The following CDH18 variants were observed in gnomAD, a reference collection of about 807,000 sequenced individuals.
The protein encoded by CDH18 is cadherin-18.
In CDH18, 31 loss-of-function variants were observed where a neutral mutation model predicts 67.9. The ratio of observed to expected loss-of-function variants is 0.46; its 90% CI spans 0.34 to 0.62. The LOEUF is 0.62. CDH18 is among the 20% of genes least tolerant of loss of function. The pLI is 0.01. For synonymous variants in CDH18, 362 were observed against 347.2 expected, an observed-to-expected ratio of 1.04 and a Z score of -0.48; for missense variants, 890 against 975.5, an observed-to-expected ratio of 0.91 and a Z score of 1.17.
At chr5:20,389,559 T>C (rs1354668011) in intron 1 of CDH18, among the ~76,000 whole-genome samples, 1 of 152,140 alleles carries the variant, frequency 6.6e-6, no homozygotes, top group African/African-American at 2.4e-5. Context: ...ATGGCCATAC[T>C]GCCCAAGGTA....
intron 2 of CDH18, among the ~76,000 whole-genome samples, chr5:19,936,378 G>T (rs1350285783): frequency 6.6e-6 from 1 of 151,220 alleles, no homozygotes; most frequent in East Asian, 1.9e-4. Flanking sequence ...AGGACAAAAT[G>T]TTGAGGAAAG....
intron 2 of CDH18, among the ~76,000 whole-genome samples, chr5:20,016,836 C>T (rs1165675005): frequency 6.6e-6 from 1 of 152,064 alleles, no homozygotes; most frequent in Non-Finnish European, 1.5e-5. Flanking sequence ...GGATCACGGC[C>T]TTGGGGTCAG....
At chr5:20,362,081 A>G (rs971799897) in intron 1 of CDH18, among the ~76,000 whole-genome samples, 1 of 152,152 alleles carries the variant, frequency 6.6e-6, no homozygotes, top group African/African-American at 2.4e-5. Flanking sequence ...ATTCTTCCCC[A>G]AAGGTAAATT....
intron 2 of CDH18, among the ~76,000 whole-genome samples, chr5:20,057,930 A>G (rs1201553148): frequency 6.6e-6 from 1 of 152,158 alleles, no homozygotes; most frequent in Non-Finnish European, 1.5e-5. Context: ...TAAATAATGC[A>G]TTACCTTTAA....
chr5:19,712,050 T>C (rs927929658), intron 5 of CDH18, among the ~76,000 whole-genome samples: 2 of 152,114 alleles, frequency 1.3e-5, no homozygotes, highest in African/African-American at 4.8e-5. Flanking sequence ...AGTAAAATAA[T>C]GCAAAGATAA....
intron 1 of CDH18, among the ~76,000 whole-genome samples, chr5:20,389,125 T>A (rs547343283): frequency 6.6e-6 from 1 of 152,250 alleles, no homozygotes; most frequent in East Asian, 1.9e-4. Flanking sequence ...TTCTGTCTCA[T>A]GGATCTGTCT....
intron 7 of CDH18, among the ~76,000 whole-genome samples, chr5:19,574,595 T>C (rs28702624): frequency 1.4e-4 from 21 of 152,128 alleles, no homozygotes; most frequent in African/African-American, 5.1e-4. Flanking sequence ...TATTTGGTTT[T>C]ACCCAAAAAA....
At chr5:19,570,343 T>C (rs1296351630) in intron 8 of CDH18, among the ~76,000 whole-genome samples, 1 of 152,166 alleles carries the variant, frequency 6.6e-6, no homozygotes, top group Non-Finnish European at 1.5e-5. Context: ...TATCTAGCTC[T>C]TGCTGTTAGT....
rs755165512 is a variant in CDH18 at position 20,419,768 on chromosome 5, C to T, written c.-580+155694G>A. The stretch of plus-strand genomic sequence containing the variant: ...CTGGGATTACAGGCGTGAGCCGCCG[C>T]GCCTGTCCCTGGGACTCTTTTGGCA... On this transcript the variant is annotated intron_variant, in intron 1 of 14. Coordinates refer to the CDH18 transcript ENST00000507958. 1.3e-4 allele frequency among the ~76,000 whole-genome samples: 19 copies of T among 150,864 alleles called. 2 individuals carry two copies. Among genetic ancestry groups the T allele is most frequent in the Non-Finnish European group, 2.1e-4 (14 of 67,990 alleles).
chr5:19,904,341 A>C, intron 2 of CDH18, among the ~76,000 whole-genome samples: 1 of 99,462 alleles, frequency 1.0e-5, no homozygotes, highest in African/African-American at 3.8e-5. Context: ...GAGAGAAGGG[A>C]GGGAGGGAGG....
intron 1 of CDH18, among the ~76,000 whole-genome samples, chr5:20,355,804 T>C (rs1209496453): frequency 6.6e-6 from 1 of 152,198 alleles, no homozygotes; most frequent in Non-Finnish European, 1.5e-5. Flanking sequence ...ATACAACTCA[T>C]GGCGAATTTA....
intron 8 of CDH18, among the ~76,000 whole-genome samples, chr5:19,561,271 G>A (rs894180833): frequency 2.0e-5 from 3 of 151,956 alleles, no homozygotes; most frequent in African/African-American, 7.2e-5. Context: ...ATGCCCATCC[G>A]TCAATGTAGG....
chr5:20,133,684 T>C (rs1749460323), intron 2 of CDH18, among the ~76,000 whole-genome samples: 1 of 152,048 alleles, frequency 6.6e-6, no homozygotes, highest in Non-Finnish European at 1.5e-5. Context: ...ATTCTATATA[T>C]TTTTCTTTAT....
chr5:19,772,344 G>A (rs1226645837), intron 3 of CDH18, among the ~76,000 whole-genome samples: 1 of 152,122 alleles, frequency 6.6e-6, no homozygotes, highest in African/African-American at 2.4e-5. Context: ...AAAATCCCAA[G>A]AGTTGTTATA....
chr5:19,731,729 G>T (rs913914111), intron 4 of CDH18, among the ~76,000 whole-genome samples: 3 of 152,188 alleles, frequency 2.0e-5, no homozygotes, highest in African/African-American at 4.8e-5. Flanking sequence ...ACATGTTTTA[G>T]AAATGGTTTC....
chr5:20,172,203 T>C (rs1445143623), intron 2 of CDH18, among the ~76,000 whole-genome samples: 8 of 58,334 alleles, frequency 1.4e-4, no homozygotes, highest in African/African-American at 6.0e-4. Context: ...TATATATATA[T>C]ATATATATAT....
chr5:20,364,121 A>C (rs1742320151), intron 1 of CDH18, among the ~76,000 whole-genome samples: 1 of 152,198 alleles, frequency 6.6e-6, no homozygotes, highest in Admixed American at 6.5e-5. Flanking sequence ...AATGTTGTCA[A>C]GTATTTCCTG....
chr5:20,185,164 T>C (rs1737990421), intron 2 of CDH18, among the ~76,000 whole-genome samples: 2 of 152,098 alleles, frequency 1.3e-5, no homozygotes, highest in South Asian at 4.1e-4. Flanking sequence ...TCATCTCACA[T>C]GCCATATCAA....
intron 1 of CDH18, among the ~76,000 whole-genome samples, chr5:20,529,055 AG>A (rs545317680): frequency 4.9e-4 from 74 of 152,154 alleles, no homozygotes; most frequent in Non-Finnish European, 7.9e-4. Context: ...AGAAATGATA[AG>A]GGGGATAACA....
Sources: gnomAD v4.1 joint callset for allele counts (sites outside exome capture counted in the v4.1 genomes callset) on GRCh38, gnomAD v4.1.1 for gene constraint, MANE v1.5 for transcripts, NCBI Gene and HGNC (gene_info 2026-07-23, HGNC 2026-07-21) for gene names.